The following ZNF257 variants were observed in gnomAD, a reference collection of about 807,000 sequenced individuals.
The protein encoded by ZNF257 is zinc finger protein 257.
In ZNF257, 12 loss-of-function variants were observed where a neutral mutation model predicts 11.9. The observed-to-expected ratio is 1.01, with a 90% confidence interval of 0.65 to 1.63. The LOEUF (loss-of-function observed/expected upper bound fraction) is 1.63, where lower values mean the gene tolerates loss of function less well. Among genes scored for constraint, ZNF257 ranks in the 40% most tolerant of loss-of-function variants. The probability of loss-of-function intolerance (pLI) is 0.00; values close to 1 mark genes in which losing one functional copy is unlikely to be tolerated. For synonymous variants in ZNF257, 183 were observed against 222.7 expected, an observed-to-expected ratio of 0.82 and a Z score of 1.59; for missense variants, 580 against 665.5, an observed-to-expected ratio of 0.87 and a Z score of 1.41.
At chr19:22,077,764 A>G (rs2022260765) in intron 3 of ZNF257, among the ~76,000 whole-genome samples, 1 of 152,162 alleles carries the variant, frequency 6.6e-6, no homozygotes, top group Non-Finnish European at 1.5e-5. Flanking sequence ...TGTGTTGCAT[A>G]TTATAGATAT....
intron 1 of ZNF257, among the ~76,000 whole-genome samples, chr19:22,062,289 A>T (rs1464652938): frequency 8.3e-5 from 12 of 145,244 alleles, no homozygotes; most frequent in Non-Finnish European, 1.6e-4. Flanking sequence ...GCAGTGGCGA[A>T]TTTTTTTTGT....
At chr19:22,076,782 G>A (rs1350974190) in intron 3 of ZNF257, among the ~76,000 whole-genome samples, 13 of 152,030 alleles carry the variant, frequency 8.6e-5, no homozygotes, top group South Asian at 2.1e-4. Context: ...TCCGCCTCCC[G>A]GGTTCACGCC....
intron 2 of ZNF257, 24 bp downstream of exon 2, chr19:22,072,959 T>C (rs761236394): frequency 6.3e-7 from 1 of 1,585,522 alleles, no homozygotes; most frequent in African/African-American, 1.4e-5. Flanking sequence ...CAGTACTCAA[T>C]TCCTAATATA....
chr19:22,068,816 T>C (rs920629229), intron 1 of ZNF257, among the ~76,000 whole-genome samples: 21 of 152,290 alleles, frequency 1.4e-4, no homozygotes, highest in African/African-American at 5.1e-4. Context: ...GTTCTGGAGC[T>C]TTACCAGGGC....
At chr19:22,085,677 T>A (rs914502825) in intron 3 of ZNF257, among the ~76,000 whole-genome samples, 5 of 130,752 alleles carry the variant, frequency 3.8e-5, no homozygotes, top group Admixed American at 2.2e-4. Flanking sequence ...TAATGTGAGA[T>A]ACACACACAC....
At chr19:22,077,109 G>A (rs1313394989) in intron 3 of ZNF257, among the ~76,000 whole-genome samples, 1 of 152,130 alleles carries the variant, frequency 6.6e-6, no homozygotes, top group Non-Finnish European at 1.5e-5. Context: ...AGCCCAAAAT[G>A]TTGAGACCAG....
intron 1 of ZNF257, among the ~76,000 whole-genome samples, chr19:22,065,514 T>A (rs1007058046): frequency 3.3e-5 from 5 of 152,188 alleles, no homozygotes; most frequent in African/African-American, 7.2e-5. Context: ...CAGACATTTT[T>A]AAAAAATTTT....
At chr19:22,086,172 T>G (rs1182013592) in intron 3 of ZNF257, among the ~76,000 whole-genome samples, 1 of 152,090 alleles carries the variant, frequency 6.6e-6, no homozygotes, top group Non-Finnish European at 1.5e-5. Flanking sequence ...TTAGTATTGA[T>G]GTGGTTTCGC....
At chr19:22,073,645 G>A (rs1198132927) in intron 3 of ZNF257, 81 bp downstream of exon 3, 4 of 1,491,750 alleles carry the variant, frequency 2.7e-6, no homozygotes, top group Non-Finnish European at 3.6e-6. Flanking sequence ...TCCTTAAAAT[G>A]TCATTTCGGA....
Position 22,088,953 on chromosome 19 carries a change from A to G in ZNF257, c.1203A>G (p.Lys401=). ...TTCATACTAGAGAGAAGGCCTACAA[A>G]TGTGATGAATATTGCAAAGCTTTTA... ...KRIHTREKAY[K]CDEYCKAFNW... The change falls in exon 4 of 4, where the codon AAA becomes AAG. Residue 401 remains lysine (K), a synonymous_variant. Coordinates refer to ENST00000594947, the MANE Select transcript of ZNF257 (RefSeq NM_033468.4). The G allele has an allele frequency of 6.2e-7, 1 of 1,612,088 alleles. No homozygotes were observed. The highest frequency in any genetic ancestry group is 1.1e-5 in the South Asian group (1 of 90,918).
At chr19:22,057,345 T>C (rs1384097928) in intron 1 of ZNF257, among the ~76,000 whole-genome samples, 1 of 152,178 alleles carries the variant, frequency 6.6e-6, no homozygotes, top group East Asian at 1.9e-4. Flanking sequence ...CTAAGGCTAA[T>C]ATTGAGCCTG....
chr19:22,078,608 C>CTGA (rs1427723591), intron 3 of ZNF257, among the ~76,000 whole-genome samples: 3 of 151,964 alleles, frequency 2.0e-5, no homozygotes, highest in Non-Finnish European at 4.4e-5. Context: ...TTCTTTGTTG[C>CTGA]TGATGCATTT....
At chr19:22,079,153 A>G (rs1476456186) in intron 3 of ZNF257, among the ~76,000 whole-genome samples, 1 of 152,082 alleles carries the variant, frequency 6.6e-6, no homozygotes, top group Non-Finnish European at 1.5e-5. Context: ...TTGTGTGCTC[A>G]TGGCAACTTT....
At chr19:22,078,067 G>A (rs1268768025) in intron 3 of ZNF257, among the ~76,000 whole-genome samples, 1 of 149,038 alleles carries the variant, frequency 6.7e-6, no homozygotes, top group South Asian at 2.2e-4. Context: ...GTGAAACCCC[G>A]TCTCTACTAA....
At chr19:22,060,560 T>G (rs997858384) in intron 1 of ZNF257, 1 of 151,502 alleles carries the variant, frequency 6.6e-6, no homozygotes, top group African/African-American at 2.4e-5. Flanking sequence ...ATCTCGGCTC[T>G]CTGCAACCTC....
chr19:22,091,228 G>A lies in ZNF257; in HGVS notation c.*1786G>A, dbSNP rs1422230819. 1 of 152,042 alleles carries A rather than the reference G, an allele frequency of 6.6e-6. No individual in the cohort carries two copies. Among genetic ancestry groups the A allele is most frequent in the African/African-American group, 2.4e-5 (1 of 41,356 alleles). The allele number at this position is 152,042 out of a possible 1,614,324, so 9.4% of individuals were successfully genotyped here. ...AATCCCAACACTTTGGGAGGCTGAGGCGGGCGGATCAATTGAGGCCAGGAG... is the reference window on the plus strand; with the variant it reads ...AATCCCAACACTTTGGGAGGCTGAGACGGGCGGATCAATTGAGGCCAGGAG... On this transcript the variant is annotated 3_prime_UTR_variant, in exon 4 of 4. Transcript: ENST00000594947.
chr19:22,062,468 G>C (rs1011112213), intron 1 of ZNF257, among the ~76,000 whole-genome samples: 13 of 137,284 alleles, frequency 9.5e-5, no homozygotes, highest in Non-Finnish European at 2.0e-4. Context: ...ATATTGGCCT[G>C]AAGTTTTCTT....
intron 3 of ZNF257, among the ~76,000 whole-genome samples, chr19:22,080,624 C>T (rs1374403002): frequency 6.6e-6 from 1 of 151,770 alleles, no homozygotes; most frequent in Non-Finnish European, 1.5e-5. Context: ...ATCAGGCTTC[C>T]TGTGTATTCA....
In ZNF257 at chr19:22,056,608, T is replaced by C. The variant is rs556187158; in HGVS notation, c.3+3973T>C. Among the ~76,000 whole-genome samples, 39 of 152,042 alleles carry C rather than the reference T, an allele frequency of 2.6e-4. No homozygotes were observed. In the East Asian group the frequency reaches 4.1e-3, roughly 16 times the overall value. ...CTCCTGCCTCGGCCTCCCGAGTAGC[T>C]GGGACTACAGGCACCCGCTACCATG... On this transcript the variant is annotated intron_variant, in intron 1 of 3. Transcript: ENST00000594947.
Sources: gnomAD v4.1 joint callset for allele counts (sites outside exome capture counted in the v4.1 genomes callset) on GRCh38, gnomAD v4.1.1 for gene constraint, MANE v1.5 for transcripts, NCBI Gene and HGNC (gene_info 2026-07-23, HGNC 2026-07-21) for gene names.